MAML2: variants seen among roughly 807,000 people sequenced by gnomAD.
MAML2 encodes the protein mastermind-like protein 2.
Under a neutral mutation model 96.1 loss-of-function variants are expected in MAML2, and 22 were observed. The ratio of observed to expected loss-of-function variants is 0.23; its 90% CI spans 0.16 to 0.33. The LOEUF (loss-of-function observed/expected upper bound fraction) is 0.33, where lower values mean the gene tolerates loss of function less well. Among genes scored for constraint, MAML2 ranks in the 10% least tolerant of loss-of-function variants. The probability of loss-of-function intolerance (pLI) is 1.00; values close to 1 mark genes in which losing one functional copy is unlikely to be tolerated. For missense variants in MAML2, 1,367 were observed against 1,392.4 expected (o/e 0.98, Z 0.29); for synonymous variants, 561 against 521.3 (o/e 1.08, Z -1.04).
At chr11:96,038,737 T>C (rs1264501988) in intron 2 of MAML2, among the ~76,000 whole-genome samples, 1 of 152,214 alleles carries the variant, frequency 6.6e-6, no homozygotes, top group African/African-American at 2.4e-5. Context: ...CTTCCATCAC[T>C]CTCTAACTCT....
intron 1 of MAML2, among the ~76,000 whole-genome samples, chr11:96,127,201 A>G (rs1023191210): frequency 5.3e-5 from 8 of 151,738 alleles, no homozygotes; most frequent in Admixed American, 1.3e-4. Context: ...TGCACAAGGA[A>G]ATCATGCTAA....
intron 1 of MAML2, among the ~76,000 whole-genome samples, chr11:96,163,476 T>C (rs1861145531): frequency 6.6e-6 from 1 of 152,200 alleles, no homozygotes; most frequent in Admixed American, 6.5e-5. Context: ...AAAATAACCC[T>C]GGAGATCAAC....
At chr11:96,053,160 C>T (rs985120413) in intron 2 of MAML2, among the ~76,000 whole-genome samples, 1 of 152,208 alleles carries the variant, frequency 6.6e-6, no homozygotes, top group Non-Finnish European at 1.5e-5. Flanking sequence ...ACACAGAATA[C>T]ATTCATGAGT....
chr11:96,155,511 T>TAC (rs201230509), intron 1 of MAML2, among the ~76,000 whole-genome samples: 595 of 35,644 alleles, frequency 0.017, 47 homozygotes, highest in Non-Finnish European at 0.024. Flanking sequence ...ACAATTCAAA[T>TAC]ATATATATAT....
At chr11:96,184,084 C>T (rs762146109) in intron 1 of MAML2, among the ~76,000 whole-genome samples, 11 of 150,540 alleles carry the variant, frequency 7.3e-5, no homozygotes, top group African/African-American at 2.2e-4. Context: ...ATGGTACTCC[C>T]GGGCAGCACT....
intron 2 of MAML2, among the ~76,000 whole-genome samples, chr11:96,031,359 TTGTG>T (rs938055240): frequency 1.4e-5 from 2 of 141,144 alleles, no homozygotes; most frequent in Admixed American, 1.5e-4. Context: ...GTGTGTGTGT[TTGTG>T]TGTTTTCTCT....
intron 1 of MAML2, among the ~76,000 whole-genome samples, chr11:96,159,864 G>A (rs1861077216): frequency 1.3e-5 from 2 of 152,188 alleles, no homozygotes; most frequent in Admixed American, 1.3e-4. Flanking sequence ...TGATACTGAT[G>A]CTGCTGGTCT....
intron 1 of MAML2, among the ~76,000 whole-genome samples, chr11:96,143,627 G>C (rs942637680): frequency 1.4e-4 from 22 of 152,144 alleles, no homozygotes; most frequent in Non-Finnish European, 2.6e-4. Context: ...TCCCTGTTCA[G>C]AGACAAATAA....
intron 1 of MAML2, among the ~76,000 whole-genome samples, chr11:96,250,282 A>C (rs1480466237): frequency 9.4e-6 from 1 of 106,100 alleles, no homozygotes; most frequent in Non-Finnish European, 2.0e-5. Context: ...TTATTTTTTA[A>C]ATTGAAAAAA....
intron 2 of MAML2, among the ~76,000 whole-genome samples, chr11:96,020,452 A>G (rs866470219): frequency 6.6e-6 from 1 of 152,218 alleles, no homozygotes; most frequent in Non-Finnish European, 1.5e-5. Context: ...GTTCTCAGCT[A>G]GGTCAGGACT....
At chr11:96,045,900 C>CCG (rs558588171) in intron 2 of MAML2, among the ~76,000 whole-genome samples, 1,271 of 115,632 alleles carry the variant, frequency 0.011, 15 homozygotes, top group Middle Eastern at 0.05. Context: ...CAGCACACTT[C>CCG]TGTTTTTTTT....
intron 1 of MAML2, among the ~76,000 whole-genome samples, chr11:96,254,966 C>A (rs115158422): frequency 9.7e-4 from 148 of 152,252 alleles, no homozygotes; most frequent in African/African-American, 3.5e-3. Flanking sequence ...CAGGCGAGTG[C>A]CACCACACCC....
At chr11:96,252,490 A>G (rs1248557720) in intron 1 of MAML2, among the ~76,000 whole-genome samples, 1 of 139,010 alleles carries the variant, frequency 7.2e-6, no homozygotes, top group African/African-American at 2.7e-5. Flanking sequence ...CAGTGGAGCG[A>G]TCTCTGCTCA....
chr11:96,231,792 A>G (rs1311801386), intron 1 of MAML2, among the ~76,000 whole-genome samples: 1 of 152,150 alleles, frequency 6.6e-6, no homozygotes, highest in African/African-American at 2.4e-5. Flanking sequence ...GAAGGACACT[A>G]CCTACCCAGT....
At position 95,991,686 on chromosome 11, in the gene MAML2, C is replaced by A. The variant is rs190425359; in HGVS notation, c.2177G>T (p.Ser726Ile). 2.5e-5 allele frequency: 41 copies of A among 1,613,594 alleles called. No homozygotes were observed. Among genetic ancestry groups the A allele is most frequent in the Non-Finnish European group, 3.2e-5 (38 of 1,179,702 alleles). ...ATTTGAGCAGGGGTTAGGACTTGGA[C>A]TGGGGCCTGTGTTCTGGCCTACCAC... ...HSVVGQNTGP[S>I]PSPNPCSNPN... Residue 726 changes from serine to isoleucine, a missense_variant, in exon 3 of 5, where the codon AGT (serine) becomes ATT (isoleucine). Ser to Ile is a moderately radical substitution (Grantham distance 142). Transcript: ENST00000524717.
intron 1 of MAML2, among the ~76,000 whole-genome samples, chr11:96,207,785 C>A (rs777370563): frequency 3.3e-5 from 5 of 152,212 alleles, no homozygotes; most frequent in African/African-American, 1.2e-4. Context: ...TTGCCATTAT[C>A]GAATAAAGAA....
intron 1 of MAML2, among the ~76,000 whole-genome samples, chr11:96,155,550 A>ATATATATATATATATATATG (rs1860999536): frequency 1.6e-5 from 2 of 128,322 alleles, no homozygotes; most frequent in Non-Finnish European, 3.3e-5. Context: ...ATATATATAT[A>ATATATATATATATATATATG]TGAGGAAAGT....
At chr11:96,134,133 T>C (rs1860589256) in intron 1 of MAML2, among the ~76,000 whole-genome samples, 1 of 152,256 alleles carries the variant, frequency 6.6e-6, no homozygotes, top group Non-Finnish European at 1.5e-5. Flanking sequence ...AAGACTTCTT[T>C]ACATTCTATT....
intron 1 of MAML2, among the ~76,000 whole-genome samples, chr11:96,309,520 A>G (rs1863508622): frequency 6.6e-6 from 1 of 152,136 alleles, no homozygotes; most frequent in Middle Eastern, 3.4e-3. Flanking sequence ...ACTCTCCCTT[A>G]ATCTTGCCAC....
Sources: allele counts gnomAD v4.1 joint callset (sites outside exome capture counted in the v4.1 genomes callset), GRCh38; gene constraint gnomAD v4.1.1; transcripts MANE v1.5; gene names NCBI Gene and HGNC (gene_info 2026-07-23, HGNC 2026-07-21).